The following EDNRB variants were observed in gnomAD, a reference collection of about 807,000 sequenced individuals.
EDNRB encodes the protein Hirschsprung disease 2.
In EDNRB, 18 loss-of-function variants were observed where a neutral mutation model predicts 46.4. That is an observed-to-expected ratio of 0.39 (90% CI 0.27 to 0.57). The LOEUF is 0.57. EDNRB is among the 20% of genes least tolerant of loss of function. The pLI, the probability that EDNRB is intolerant of heterozygous loss-of-function variation, is 0.61. For synonymous variants in EDNRB, 213 were observed against 204.9 expected (o/e 1.04, Z -0.34); for missense variants, 434 against 537.5 (o/e 0.81, Z 1.90).
upstream of EDNRB, among the ~76,000 whole-genome samples, chr13:77,922,599 T>A (rs895191171): frequency 6.6e-6 from 1 of 152,160 alleles, no homozygotes; most frequent in Non-Finnish European, 1.5e-5. Flanking sequence ...CAAATAGTGG[T>A]TGAAGTAAGA....
intron 1 of EDNRB, among the ~76,000 whole-genome samples, chr13:77,952,259 G>A (rs1377302217): frequency 1.3e-5 from 2 of 152,120 alleles, no homozygotes; most frequent in Non-Finnish European, 2.9e-5. Context: ...TATATATGTG[G>A]GGGAGATGTG....
At chr13:77,916,007 A>G (rs1243060661) in intron 1 of EDNRB, among the ~76,000 whole-genome samples, 1 of 152,222 alleles carries the variant, frequency 6.6e-6, no homozygotes, top group Non-Finnish European at 1.5e-5. Context: ...GACAGAGGAA[A>G]TAAGATGGTT....
intron 1 of EDNRB, among the ~76,000 whole-genome samples, chr13:77,937,310 C>T (rs996943979): frequency 1.3e-5 from 2 of 152,172 alleles, no homozygotes; most frequent in African/African-American, 4.8e-5. Flanking sequence ...ATTGGGGATC[C>T]TCTCAGGGAA....
chr13:77,973,073 T>TA (rs1881783583), intron 1 of EDNRB, among the ~76,000 whole-genome samples: 1 of 152,130 alleles, frequency 6.6e-6, no homozygotes, highest in African/African-American at 2.4e-5. Context: ...TAAAAGACTT[T>TA]TAAGTGGAAG....
chr13:77,929,115 C>A (rs1257478723), intron 1 of EDNRB, among the ~76,000 whole-genome samples: 1 of 152,118 alleles, frequency 6.6e-6, no homozygotes, highest in Non-Finnish European at 1.5e-5. Flanking sequence ...CTTGTTATGA[C>A]ACATTTCTGG....
chr13:77,923,287 CCTTT>C (rs1470019999), upstream of EDNRB, among the ~76,000 whole-genome samples: 1 of 152,070 alleles, frequency 6.6e-6, no homozygotes, highest in East Asian at 1.9e-4. Flanking sequence ...TTTTTATATT[CCTTT>C]CTTTGACATA....
rs1334300813 is a variant in EDNRB at position 77,904,712 on chromosome 13, AC to A, written c.484-1106del. Among the ~76,000 whole-genome samples, 18 of 152,092 alleles carry A rather than the reference AC, an allele frequency of 1.2e-4. 1 individual carries two copies. The highest frequency in any genetic ancestry group is 4.3e-4 in the African/African-American group (18 of 41,530). ...AAATGTGGTTATTTTCTTTCTTAGG[AC>A]AATATGGTGTGTCCCACACTGGTAA... On this transcript the variant is annotated intron_variant, in intron 1 of 6. Coordinates refer to ENST00000646607, the MANE Select transcript of EDNRB (RefSeq NM_001122659.3).
chr13:77,940,008 A>AAATG (rs1269349247), intron 1 of EDNRB: 1 of 151,104 alleles, frequency 6.6e-6, no homozygotes, highest in Non-Finnish European at 1.5e-5. Context: ...ATAAATAAAT[A>AAATG]AATAAATAAA....
At chr13:77,965,830 G>A (rs555800952) in intron 1 of EDNRB, among the ~76,000 whole-genome samples, 3 of 152,014 alleles carry the variant, frequency 2.0e-5, no homozygotes, top group Non-Finnish European at 4.4e-5. Context: ...CTATAGTAGA[G>A]AAAGTAATGG....
At chr13:77,970,400 G>A (rs546248519) in intron 1 of EDNRB, among the ~76,000 whole-genome samples, 8 of 152,066 alleles carry the variant, frequency 5.3e-5, no homozygotes, top group Non-Finnish European at 8.8e-5. Context: ...GGGAGAATCG[G>A]CAAGACTCCT....
chr13:77,901,256 T>C, intron 3 of EDNRB, 49 bp from the exon 4 acceptor site: 2 of 1,589,450 alleles, frequency 1.3e-6, no homozygotes, highest in Middle Eastern at 3.5e-4. Context: ...TGTAAGAAAA[T>C]CTTATATAAC....
chr13:77,949,385 C>T (rs2137672841), intron 1 of EDNRB, among the ~76,000 whole-genome samples: 1 of 152,246 alleles, frequency 6.6e-6, no homozygotes, highest in East Asian at 1.9e-4. Context: ...ATGAGGGTTC[C>T]CTGTTGTCTG....
intron 1 of EDNRB, chr13:77,939,308 A>G (rs906895275): frequency 3.9e-5 from 6 of 152,124 alleles, no homozygotes; most frequent in Non-Finnish European, 7.4e-5. Flanking sequence ...TAAGGCAGGA[A>G]CTGGCCATCT....
chr13:77,898,109 GTT>G lies in EDNRB; in HGVS notation c.*89_*90del. 6.5e-7 allele frequency: 1 copy of G among 1,548,706 alleles called. No homozygotes were observed. On this transcript the variant is annotated 3_prime_UTR_variant, in exon 7 of 7. Coordinates refer to ENST00000646607, the MANE Select transcript of EDNRB (RefSeq NM_001122659.3). ...TAATAGTGTGCTGTGCAAATACATA[GTT>G]TTTTGTTTTGTTTTGGCAAATGTTT...
In EDNRB at chr13:77,901,128, G is replaced by A. The variant is rs758958773; in HGVS notation, c.881C>T (p.Thr294Ile). Residue 294 changes from threonine to isoleucine, a missense_variant, in exon 4 of 7, where the codon ACA becomes ATA. By Grantham distance (89) the Thr-to-Ile change is moderately conservative (BLOSUM62 -1). Coordinates refer to ENST00000646607, the MANE Select transcript of EDNRB (RefSeq NM_001122659.3). ...TCTCAACATTTCACAGGTCATTAGTGTATAAAAAAATGCAGTGATGGCCAA... is the reference window on the plus strand; with the variant it reads ...TCTCAACATTTCACAGGTCATTAGTATATAAAAAAATGCAGTGATGGCCAA... ...LPLAITAFFYTLMTCEMLRKK... is the reference protein window; with the variant it reads ...LPLAITAFFYILMTCEMLRKK... 2.5e-6 allele frequency: 4 copies of A among 1,611,282 alleles called. No homozygotes were observed. The highest frequency in any genetic ancestry group is 1.3e-5 in the African/African-American group (1 of 74,702).
intron 1 of EDNRB, among the ~76,000 whole-genome samples, chr13:77,911,054 T>C (rs1879542835): frequency 6.6e-6 from 1 of 152,024 alleles, no homozygotes; most frequent in Admixed American, 6.6e-5. Flanking sequence ...TTATCTAAAT[T>C]TAAAAATATA....
intron 1 of EDNRB, among the ~76,000 whole-genome samples, chr13:77,962,214 G>T (rs1243810619): frequency 6.6e-6 from 1 of 152,080 alleles, no homozygotes; most frequent in Non-Finnish European, 1.5e-5. Context: ...AGGAGGAGCT[G>T]GTACCATTCC....
At chr13:77,915,856 T>C (rs1879782610) in intron 1 of EDNRB, among the ~76,000 whole-genome samples, 1 of 152,188 alleles carries the variant, frequency 6.6e-6, no homozygotes. Context: ...AAAAACACAG[T>C]CATGTTAAGA....
chr13:77,956,377 T>C (rs1281304397), intron 1 of EDNRB, among the ~76,000 whole-genome samples: 2 of 152,188 alleles, frequency 1.3e-5, no homozygotes, highest in Non-Finnish European at 2.9e-5. Context: ...ATCTTGCAAA[T>C]GTACTGAAAT....
Sources: gnomAD v4.1 joint callset for allele counts (sites outside exome capture counted in the v4.1 genomes callset) on GRCh38, gnomAD v4.1.1 for gene constraint, MANE v1.5 for transcripts, NCBI Gene and HGNC (gene_info 2026-07-23, HGNC 2026-07-21) for gene names.